Variants in FGF14 observed in about 807,000 individuals in gnomAD.
FGF14 encodes the protein fibroblast growth factor 14.
FGF14 carries 5 observed loss-of-function variants against 25.5 expected under a neutral mutation model. That is an observed-to-expected ratio of 0.20 (90% CI 0.10 to 0.41). The LOEUF (loss-of-function observed/expected upper bound fraction) is 0.41, where lower values mean the gene tolerates loss of function less well. Ranked by LOEUF, FGF14 falls within the 10% of genes least tolerant of loss-of-function variation. The pLI, the probability that FGF14 is intolerant of heterozygous loss-of-function variation, is 1.00. For missense variants in FGF14, 222 were observed against 320.1 expected (o/e 0.69, Z 2.34); for synonymous variants, 138 against 118.3 (o/e 1.17, Z -1.08).
chr13:102,295,818 T>C (rs2054677596), intron 1 of FGF14, among the ~76,000 whole-genome samples: 1 of 152,158 alleles, frequency 6.6e-6, no homozygotes, highest in Non-Finnish European at 1.5e-5. Flanking sequence ...AATGTCTGAA[T>C]GGGCAGTAAA....
At chr13:102,226,710 A>G (rs1377026736) in intron 1 of FGF14, among the ~76,000 whole-genome samples, 1 of 151,700 alleles carries the variant, frequency 6.6e-6, no homozygotes, top group Admixed American at 6.6e-5. Flanking sequence ...AACATCATCT[A>G]CTCTCTTACA....
chr13:102,204,984 T>A lies in FGF14; in HGVS notation c.208+196487A>T, dbSNP rs999349210. On this transcript the variant is annotated intron_variant, in intron 1 of 4. Coordinates refer to the FGF14 transcript ENST00000376131. ...TAAAATGTCTTGGTACAAGTTAGGT[T>A]GATTTTGTACTTCAGGGGAAAACTG... 5.3e-5 allele frequency among the ~76,000 whole-genome samples: 8 copies of A among 152,346 alleles called. 1 individual carries two copies. The highest frequency in any genetic ancestry group is 5.2e-4 in the Admixed American group (8 of 15,298).
intron 1 of FGF14, among the ~76,000 whole-genome samples, chr13:101,960,150 A>G (rs1423853866): frequency 6.6e-6 from 1 of 152,240 alleles, no homozygotes; most frequent in Non-Finnish European, 1.5e-5. Flanking sequence ...AGTGGTATTA[A>G]GCATATAAGC....
intron 1 of FGF14, among the ~76,000 whole-genome samples, chr13:102,244,057 T>C (rs2051735871): frequency 6.6e-6 from 1 of 152,060 alleles, no homozygotes; most frequent in Non-Finnish European, 1.5e-5. Flanking sequence ...TAAGCGCTAA[T>C]TCCTTACCTA....
intron 1 of FGF14, among the ~76,000 whole-genome samples, chr13:101,973,507 A>G (rs2037739134): frequency 6.6e-6 from 1 of 152,168 alleles, no homozygotes. Context: ...TTAAGAATTA[A>G]CTCACACGAT....
chr13:101,788,901 TATATATATAGAG>T (rs1486031324), intron 3 of FGF14, among the ~76,000 whole-genome samples: 1,688 of 40,810 alleles, frequency 0.041, 12 homozygotes, highest in Non-Finnish European at 0.058. Context: ...TATATATATA[TATATATATAGAG>T]AGAGAGAGAG....
intron 1 of FGF14, among the ~76,000 whole-genome samples, chr13:102,193,950 C>T (rs1194368884): frequency 2.6e-5 from 4 of 152,058 alleles, no homozygotes; most frequent in Middle Eastern, 3.4e-3. Flanking sequence ...ATTAGAATTC[C>T]TAGTCAAAAA....
chr13:102,009,109 G>A (rs74964024), intron 1 of FGF14, among the ~76,000 whole-genome samples: 4,867 of 152,146 alleles, frequency 0.032, 108 homozygotes, highest in African/African-American at 0.057. Context: ...GGAAAAAGCC[G>A]TATATTTTAC....
chr13:102,240,207 T>C (rs949028990), intron 1 of FGF14, among the ~76,000 whole-genome samples: 2 of 152,168 alleles, frequency 1.3e-5, no homozygotes, highest in African/African-American at 4.8e-5. Context: ...AGCAAGATTA[T>C]GAACAGGAGT....
chr13:102,253,887 T>A (rs2052320363), intron 1 of FGF14, among the ~76,000 whole-genome samples: 3 of 152,180 alleles, frequency 2.0e-5, no homozygotes, highest in Non-Finnish European at 4.4e-5. Flanking sequence ...ACCCTTGTGA[T>A]TAGAAGTAAA....
intron 1 of FGF14, among the ~76,000 whole-genome samples, chr13:102,312,664 T>C (rs1164186909): frequency 6.6e-6 from 1 of 152,168 alleles, no homozygotes; most frequent in African/African-American, 2.4e-5. Context: ...GAGACATCAG[T>C]GATAGCCCTA....
At chr13:102,024,582 T>G (rs2040831699) in intron 1 of FGF14, among the ~76,000 whole-genome samples, 1 of 152,032 alleles carries the variant, frequency 6.6e-6, no homozygotes, top group African/African-American at 2.4e-5. Context: ...TTTTTGATGG[T>G]CTCCTTTGGA....
intron 1 of FGF14, among the ~76,000 whole-genome samples, chr13:102,022,293 C>CT (rs1296413557): frequency 6.6e-6 from 1 of 152,022 alleles, no homozygotes; most frequent in East Asian, 1.9e-4. Flanking sequence ...GAACTCATCT[C>CT]TTTAAATGAA....
chr13:102,186,455 A>G (rs375058986), intron 1 of FGF14, among the ~76,000 whole-genome samples: 5 of 152,138 alleles, frequency 3.3e-5, no homozygotes, highest in African/African-American at 9.7e-5. Context: ...TTTTACAACA[A>G]CTACAAAACT....
At chr13:102,339,418 CAA>C (rs1411257293) in intron 1 of FGF14, among the ~76,000 whole-genome samples, 1 of 151,972 alleles carries the variant, frequency 6.6e-6, no homozygotes, top group Non-Finnish European at 1.5e-5. Flanking sequence ...TGGAAATGAT[CAA>C]AGACATAATT....
intron 1 of FGF14, among the ~76,000 whole-genome samples, chr13:102,091,471 C>T (rs953526839): frequency 4.6e-5 from 7 of 152,140 alleles, no homozygotes; most frequent in African/African-American, 1.7e-4. Flanking sequence ...CCCCCACCAA[C>T]AGCAGAGCCT....
At chr13:101,990,673 C>G (rs1387291595) in intron 1 of FGF14, among the ~76,000 whole-genome samples, 5 of 152,172 alleles carry the variant, frequency 3.3e-5, no homozygotes, top group Admixed American at 6.5e-5. Context: ...GCAGCAGGCT[C>G]TCTATGCACA....
chr13:101,732,428 TAATA>T (rs2035871449), intron 3 of FGF14, among the ~76,000 whole-genome samples: 2 of 152,158 alleles, frequency 1.3e-5, no homozygotes, highest in Non-Finnish European at 1.5e-5. Context: ...AAATAGCACA[TAATA>T]AATACATGAT....
intron 3 of FGF14, among the ~76,000 whole-genome samples, chr13:101,780,384 A>C (rs1218828609): frequency 6.6e-6 from 1 of 152,174 alleles, no homozygotes; most frequent in Non-Finnish European, 1.5e-5. Flanking sequence ...TCCACCAGGC[A>C]CTTGTGAATC....
Sources: gnomAD v4.1 joint callset for allele counts (sites outside exome capture counted in the v4.1 genomes callset) on GRCh38, gnomAD v4.1.1 for gene constraint, MANE v1.5 for transcripts, NCBI Gene and HGNC (gene_info 2026-07-23, HGNC 2026-07-21) for gene names.